QTMAN: variants seen among roughly 807,000 people sequenced by gnomAD.
The protein encoded by QTMAN is queuosine-tRNA mannosyltransferase, also known as tRNA-queuosine alpha-mannosyltransferase.
the QTMAN span, among the ~76,000 whole-genome samples, chr2:144,113,930 G>A: frequency 6.6e-6 from 1 of 152,154 alleles, no homozygotes; most frequent in East Asian, 1.9e-4. Context: ...AAACATCAAT[G>A]TGGAGTAGTA....
the QTMAN span, among the ~76,000 whole-genome samples, chr2:144,245,372 C>G: frequency 6.6e-6 from 1 of 152,122 alleles, no homozygotes; most frequent in African/African-American, 2.4e-5. Context: ...GATCATTCAT[C>G]TTGGTGAAAA....
the QTMAN span, among the ~76,000 whole-genome samples, chr2:144,029,995 T>C: frequency 2.6e-5 from 4 of 152,178 alleles, no homozygotes; most frequent in Non-Finnish European, 4.4e-5. Context: ...TCTAAAGAGA[T>C]TCATGACATC....
At chr2:144,307,821 C>CA in the QTMAN span, among the ~76,000 whole-genome samples, 10 of 152,084 alleles carry the variant, frequency 6.6e-5, no homozygotes, top group African/African-American at 2.4e-4. Flanking sequence ...AAACATTACT[C>CA]AGAGAAATGA....
chr2:143,943,504 G>T, the QTMAN span: 1 of 152,220 alleles, frequency 6.6e-6, no homozygotes, highest in East Asian at 1.9e-4. Context: ...TCCACAGAAA[G>T]TATCTTGAGA....
chr2:143,943,588 T>C, the QTMAN span: 1 of 152,212 alleles, frequency 6.6e-6, no homozygotes, highest in Non-Finnish European at 1.5e-5. Context: ...GATTTTACTT[T>C]TAAAAATATC....
the QTMAN span, among the ~76,000 whole-genome samples, chr2:144,129,076 A>G: frequency 6.6e-6 from 1 of 151,840 alleles, no homozygotes; most frequent in African/African-American, 2.4e-5. Flanking sequence ...AAATAATTAT[A>G]ATATGCACTT....
the QTMAN span, among the ~76,000 whole-genome samples, chr2:144,210,060 G>T: frequency 6.8e-6 from 1 of 147,550 alleles, no homozygotes; most frequent in Non-Finnish European, 1.5e-5. Flanking sequence ...TTATGTGGGC[G>T]GGGGGGGGCT....
At chr2:144,231,081 A>G in the QTMAN span, among the ~76,000 whole-genome samples, 1 of 152,178 alleles carries the variant, frequency 6.6e-6, no homozygotes, top group Non-Finnish European at 1.5e-5. Flanking sequence ...AGAAATTAAA[A>G]CGTATCAAAA....
the QTMAN span, among the ~76,000 whole-genome samples, chr2:144,184,279 T>C: frequency 6.6e-6 from 1 of 151,896 alleles, no homozygotes. Flanking sequence ...GGCAGAAGAG[T>C]GGAATACTTT....
At chr2:143,983,773 G>A in the QTMAN span, among the ~76,000 whole-genome samples, 1 of 152,032 alleles carries the variant, frequency 6.6e-6, no homozygotes, top group Non-Finnish European at 1.5e-5. Flanking sequence ...ACGCCCAGCC[G>A]AGGTTTTAAT....
chr2:143,938,669 T>C, the QTMAN span: 1 of 152,182 alleles, frequency 6.6e-6, no homozygotes, highest in Admixed American at 6.5e-5. Flanking sequence ...ATCAATGCCA[T>C]CTCCCCAACA....
chr2:144,126,158 T>C, the QTMAN span, among the ~76,000 whole-genome samples: 2 of 151,860 alleles, frequency 1.3e-5, no homozygotes, highest in Non-Finnish European at 2.9e-5. Flanking sequence ...ATACTGAAAA[T>C]GGTGTCATGA....
chr2:144,182,911 AT>A, the QTMAN span, among the ~76,000 whole-genome samples: 683 of 103,974 alleles, frequency 6.6e-3, 5 homozygotes, highest in African/African-American at 0.024. Flanking sequence ...TTATATATAT[AT>A]ATAAAATATG....
chr2:144,109,504 G>A, the QTMAN span, among the ~76,000 whole-genome samples: 3 of 152,056 alleles, frequency 2.0e-5, no homozygotes, highest in Admixed American at 6.6e-5. Context: ...TTCATGTTCA[G>A]AACACCAAAA....
At chr2:144,209,241 C>T in the QTMAN span, among the ~76,000 whole-genome samples, 1 of 152,152 alleles carries the variant, frequency 6.6e-6, no homozygotes, top group East Asian at 1.9e-4. Context: ...CTTCAAGAGT[C>T]CTTCATTTAT....
chr2:144,304,456 CCAGA>C, the QTMAN span, among the ~76,000 whole-genome samples: 11 of 152,120 alleles, frequency 7.2e-5, no homozygotes, highest in African/African-American at 2.6e-4. Flanking sequence ...CCAAAAATTA[CCAGA>C]CATACAAAGA....
At chr2:144,174,380 C>T in the QTMAN span, among the ~76,000 whole-genome samples, 1 of 152,164 alleles carries the variant, frequency 6.6e-6, no homozygotes, top group Non-Finnish European at 1.5e-5. Context: ...TCCCTTCTGT[C>T]AGGAATCGAT....
chr2:144,140,957 G>A, the QTMAN span, among the ~76,000 whole-genome samples: 1 of 152,066 alleles, frequency 6.6e-6, no homozygotes, highest in Non-Finnish European at 1.5e-5. Context: ...ATGGGGTGCA[G>A]ATGAGGACTA....
chr2:144,153,871 A>AC, the QTMAN span, among the ~76,000 whole-genome samples: 1 of 152,060 alleles, frequency 6.6e-6, no homozygotes, highest in African/African-American at 2.4e-5. Flanking sequence ...CACTACCACC[A>AC]CCCCTAAGAG....
Sources: allele counts gnomAD v4.1 joint callset (sites outside exome capture counted in the v4.1 genomes callset), GRCh38; gene constraint gnomAD v4.1.1; transcripts MANE v1.5; gene names NCBI Gene and HGNC (gene_info 2026-07-23, HGNC 2026-07-21).